The following TNR variants were observed in gnomAD, a reference collection of about 807,000 sequenced individuals.
The protein encoded by TNR is tenascin-R.
Under a neutral mutation model 150.4 loss-of-function variants are expected in TNR, and 45 were observed. The ratio of observed to expected loss-of-function variants is 0.30; its 90% CI spans 0.24 to 0.38. The LOEUF is 0.38. Among genes scored for constraint, TNR ranks in the 10% least tolerant of loss-of-function variants. The pLI, the probability that TNR is intolerant of heterozygous loss-of-function variation, is 1.00. For synonymous variants in TNR, 687 were observed against 678.4 expected (o/e 1.01, Z -0.20); for missense variants, 1,544 against 1,759.1 (o/e 0.88, Z 2.19).
chr1:175,405,800 C>A (rs977962339), intron 3 of TNR, among the ~76,000 whole-genome samples: 2 of 152,140 alleles, frequency 1.3e-5, no homozygotes, highest in African/African-American at 2.4e-5. Flanking sequence ...TCTGCATTCT[C>A]TAGTCCCTCA....
At chr1:175,379,484 T>G in intron 9 of TNR, 68 bp downstream of exon 9, 2 of 1,443,680 alleles carry the variant, frequency 1.4e-6, no homozygotes, top group Non-Finnish European at 9.5e-7. Context: ...GATGTGTAGG[T>G]TGGGGAGACA....
intron 1 of TNR, among the ~76,000 whole-genome samples, chr1:175,732,888 G>A (rs1359583): frequency 0.29 from 44,061 of 152,160 alleles, 6,551 homozygotes; most frequent in African/African-American, 0.36. Flanking sequence ...CCTGAAAATA[G>A]TTTTTGTCAT....
Position 175,599,606 on chromosome 1 carries a change from C to T in TNR, c.-164-71237G>A, listed in dbSNP as rs1372373060. On this transcript the variant is annotated intron_variant, in intron 1 of 22. Transcript: ENST00000367674. The surrounding 1 kb of genome is among the most constrained non-coding windows in gnomAD (Gnocchi z 4.7). ...GGGGCCGGCCCACCCGGAGGCAGCCCGGAGCAGCGTCGCCCCAGCAGGCTT... is the reference window on the plus strand; with the variant it reads ...GGGGCCGGCCCACCCGGAGGCAGCCTGGAGCAGCGTCGCCCCAGCAGGCTT... 6.6e-6 allele frequency among the ~76,000 whole-genome samples: 1 copy of T among 152,122 alleles called. No individual in the cohort carries two copies. Among genetic ancestry groups the T allele is most frequent in the African/African-American group, 2.4e-5 (1 of 41,424 alleles).
intron 1 of TNR, among the ~76,000 whole-genome samples, chr1:175,665,422 G>A (rs576780856): frequency 6.6e-6 from 1 of 152,288 alleles, no homozygotes; most frequent in East Asian, 1.9e-4. Flanking sequence ...GAAGGCAGGT[G>A]GGTGTGTGAA....
At chr1:175,331,034 TTTCTTTCTTTC>T (rs1649754248) in intron 20 of TNR, among the ~76,000 whole-genome samples, 1 of 69,036 alleles carries the variant, frequency 1.4e-5, no homozygotes, top group African/African-American at 4.8e-5. Flanking sequence ...TCTTTCTTTC[TTTCTTTCTTTC>T]TTTCTTTCTT....
intron 2 of TNR, among the ~76,000 whole-genome samples, chr1:175,437,033 G>C (rs1655545298): frequency 6.6e-6 from 1 of 152,184 alleles, no homozygotes; most frequent in South Asian, 2.1e-4. Context: ...GGACCTAATA[G>C]ACATCTACAG....
intron 1 of TNR, among the ~76,000 whole-genome samples, chr1:175,670,902 A>G (rs1400560571): frequency 6.6e-6 from 1 of 152,172 alleles, no homozygotes. Flanking sequence ...GGCAAGTACA[A>G]AATCAGGCTT....
At chr1:175,648,320 C>T (rs753563376) in intron 1 of TNR, among the ~76,000 whole-genome samples, 14 of 152,088 alleles carry the variant, frequency 9.2e-5, no homozygotes, top group Non-Finnish European at 1.3e-4. Flanking sequence ...TTTTAAAAAA[C>T]GAGCTGCTTT....
At chr1:175,327,488 C>T (rs1649467844) in intron 21 of TNR, among the ~76,000 whole-genome samples, 1 of 152,184 alleles carries the variant, frequency 6.6e-6, no homozygotes, top group Non-Finnish European at 1.5e-5. Context: ...TCACAGGAAT[C>T]TTCCTAAACC....
chr1:175,549,610 A>G (rs1438548196), intron 1 of TNR, among the ~76,000 whole-genome samples: 1 of 152,206 alleles, frequency 6.6e-6, no homozygotes, highest in Admixed American at 6.5e-5. Flanking sequence ...TCCTAATCGC[A>G]TGAGAACTTT....
chr1:175,685,939 C>G (rs183887564), intron 1 of TNR, among the ~76,000 whole-genome samples: 3 of 151,646 alleles, frequency 2.0e-5, no homozygotes, highest in Admixed American at 2.0e-4. Flanking sequence ...AGAGAAGTGG[C>G]CTTAAACAAA....
chr1:175,650,152 A>G (rs1036006199), intron 1 of TNR, among the ~76,000 whole-genome samples: 2 of 152,036 alleles, frequency 1.3e-5, no homozygotes, highest in African/African-American at 4.8e-5. Context: ...CAGGTAGATC[A>G]CTTGAAGTCC....
chr1:175,542,442 G>A (rs898228805), intron 1 of TNR, among the ~76,000 whole-genome samples: 13 of 152,258 alleles, frequency 8.5e-5, no homozygotes, highest in African/African-American at 2.9e-4. Flanking sequence ...TGAGTGACTG[G>A]CATACAATGA....
chr1:175,620,844 AAGAG>A (rs1373125097), intron 1 of TNR, among the ~76,000 whole-genome samples: 4 of 151,966 alleles, frequency 2.6e-5, no homozygotes, highest in Non-Finnish European at 5.9e-5. Flanking sequence ...AGAAAAAAAA[AAGAG>A]AGAGAGAAGC....
chr1:175,641,390 A>G (rs1664654298), intron 1 of TNR, among the ~76,000 whole-genome samples: 1 of 152,232 alleles, frequency 6.6e-6, no homozygotes, highest in South Asian at 2.1e-4. Flanking sequence ...TCATAAGATA[A>G]AAATAAATGA....
At chr1:175,679,327 A>G (rs562632848) in intron 1 of TNR, among the ~76,000 whole-genome samples, 1 of 152,322 alleles carries the variant, frequency 6.6e-6, no homozygotes, top group East Asian at 1.9e-4. Context: ...GGCACCAGTG[A>G]GAGATGTCCA....
chr1:175,331,162 T>TTCC (rs1649883236), intron 20 of TNR, among the ~76,000 whole-genome samples: 17 of 70,910 alleles, frequency 2.4e-4, no homozygotes, highest in African/African-American at 3.6e-4. Flanking sequence ...TTTCTTTTTC[T>TTCC]TTCCTTCCTT....
At chr1:175,424,446 G>A (rs1299162392) in intron 2 of TNR, among the ~76,000 whole-genome samples, 1 of 152,208 alleles carries the variant, frequency 6.6e-6, no homozygotes, top group South Asian at 2.1e-4. Context: ...TGTTGACGAG[G>A]TGACCAGCTT....
chr1:175,463,198 T>C (rs1224734066), intron 2 of TNR, among the ~76,000 whole-genome samples: 1 of 152,114 alleles, frequency 6.6e-6, no homozygotes, highest in African/African-American at 2.4e-5. Context: ...GACCTTTACA[T>C]AGGGCCTCAT....
Sources: allele counts gnomAD v4.1 joint callset (sites outside exome capture counted in the v4.1 genomes callset), GRCh38; gene constraint gnomAD v4.1.1; non-coding constraint Gnocchi (gnomAD v3.1); transcripts MANE v1.5; gene names NCBI Gene and HGNC (gene_info 2026-07-23, HGNC 2026-07-21).